The following AAK1 variants were observed in gnomAD, a reference collection of about 807,000 sequenced individuals.
AAK1 encodes the protein AP2-associated protein kinase 1.
AAK1 carries 37 observed loss-of-function variants against 116.0 expected under a neutral mutation model. The observed-to-expected ratio is 0.32, with a 90% CI of 0.25 to 0.42. AAK1 has a LOEUF of 0.42. AAK1 is among the 10% of genes least tolerant of loss of function. The pLI is 1.00. For synonymous variants in AAK1, 458 were observed against 439.9 expected (o/e 1.04, Z -0.51); for missense variants, 919 against 1,170.6 (o/e 0.79, Z 3.14).
intron 2 of AAK1, among the ~76,000 whole-genome samples, chr2:69,588,118 C>A (rs955949828): frequency 3.3e-5 from 5 of 152,104 alleles, no homozygotes; most frequent in African/African-American, 1.2e-4. Context: ...GGGTTCAAAT[C>A]CCACAGCCAA....
chr2:69,531,654 T>C (rs1670261653), intron 6 of AAK1: 1 of 996,204 alleles, frequency 1.0e-6, no homozygotes, highest in African/African-American at 1.7e-5. Context: ...CAATTTAGGG[T>C]TCAGTAAAAA....
At position 69,462,816 on chromosome 2, in the gene AAK1, G is replaced by A. The variant is rs545841321; in HGVS notation, c.*13053C>T. The stretch of plus-strand genomic sequence containing the variant: ...GTGCAAAGTTCCACGTGCATTAGCC[G>A]AAATTATTCATTCAACTAGAAAGAC... On this transcript the variant is annotated 3_prime_UTR_variant, in exon 22 of 22. Coordinates refer to ENST00000409085, the MANE Select transcript of AAK1 (RefSeq NM_014911.5). 3 of 152,244 alleles carry A rather than the reference G, an allele frequency of 2.0e-5. No homozygotes were observed. The highest frequency in any genetic ancestry group is 3.9e-4 in the East Asian group (2 of 5,188). The allele number at this position is 152,244 out of a possible 1,614,324, so 9.4% of individuals were successfully genotyped here. A position where few individuals can be genotyped will look rare whatever the true frequency, so the allele number is the denominator to read the frequency against.
chr2:69,513,325 CT>C (rs374957512), intron 13 of AAK1, among the ~76,000 whole-genome samples: 136 of 145,542 alleles, frequency 9.3e-4, no homozygotes, highest in East Asian at 1.2e-3. Context: ...AAGATGGTTT[CT>C]TTTTTTTTTT....
intron 16 of AAK1, among the ~76,000 whole-genome samples, chr2:69,500,784 AAAAC>A (rs889961429): frequency 1.3e-5 from 2 of 150,148 alleles, no homozygotes; most frequent in African/African-American, 4.9e-5. Context: ...GGCAGAAACA[AAAAC>A]AAAATAAACC....
At chr2:69,598,349 C>A in intron 2 of AAK1, 1 of 333,140 alleles carries the variant, frequency 3.0e-6, no homozygotes. Flanking sequence ...GTGTTCCCTC[C>A]ATACTGCAGT....
chr2:69,641,572 T>C (rs111259817), intron 2 of AAK1, among the ~76,000 whole-genome samples: 6 of 152,144 alleles, frequency 3.9e-5, no homozygotes, highest in African/African-American at 1.4e-4. Context: ...AATCATGTTT[T>C]TAAAGTACAG....
chr2:69,571,901 A>C (rs1202060231), intron 2 of AAK1, among the ~76,000 whole-genome samples: 1 of 152,150 alleles, frequency 6.6e-6, no homozygotes, highest in East Asian at 1.9e-4. Flanking sequence ...ATTACCTGGG[A>C]ATGTTGTGAA....
Position 69,471,226 on chromosome 2 carries a change from CT to C in AAK1, c.*4642del, listed in dbSNP as rs1674666365. On this transcript the variant is annotated 3_prime_UTR_variant, in exon 22 of 22. Coordinates refer to ENST00000409085, the MANE Select transcript of AAK1 (RefSeq NM_014911.5). The stretch of plus-strand genomic sequence containing the variant: ...AAGAACGTGTCTTTAATTCTAGCAA[CT>C]ACCACCATTTGGTAACTTCTTTGCA... 1 of 985,336 alleles carries C rather than the reference CT, an allele frequency of 1.0e-6. No homozygotes were observed. Among genetic ancestry groups the C allele is most frequent in the Admixed American group, 6.1e-5 (1 of 16,266 alleles). The allele number at this position is 985,336 out of a possible 1,614,324, so 61.0% of individuals were successfully genotyped here. A position where few individuals can be genotyped will look rare whatever the true frequency, so the allele number is the denominator to read the frequency against.
At chr2:69,490,816 T>C (rs1258929890) in intron 17 of AAK1, among the ~76,000 whole-genome samples, 1 of 152,086 alleles carries the variant, frequency 6.6e-6, no homozygotes, top group African/African-American at 2.4e-5. Context: ...ATGGTAAATC[T>C]CATTATGTAC....
At chr2:69,495,204 C>G (rs1303796236) in intron 17 of AAK1, among the ~76,000 whole-genome samples, 2 of 152,144 alleles carry the variant, frequency 1.3e-5, no homozygotes, top group African/African-American at 4.8e-5. Flanking sequence ...TTCCCCACAC[C>G]ACTCCTCCCA....
chr2:69,572,381 G>A (rs1672122167), intron 2 of AAK1, among the ~76,000 whole-genome samples: 1 of 152,046 alleles, frequency 6.6e-6, no homozygotes, highest in Admixed American at 6.5e-5. Flanking sequence ...TGTAATCCCA[G>A]CCGAGGTGGG....
rs561392538 is a variant in AAK1 at position 69,635,327 on chromosome 2, C to T, written c.163+7551G>A. 2.0e-5 allele frequency among the ~76,000 whole-genome samples: 3 copies of T among 152,302 alleles called. No individual in the cohort carries two copies. The South Asian group carries it at 6.2e-4, about 32-fold the overall frequency. On this transcript the variant is annotated intron_variant, in intron 2 of 21. Coordinates refer to ENST00000409085, the MANE Select transcript of AAK1 (RefSeq NM_014911.5). Reference sequence around the variant, plus strand: ...GGTGAGAATGAGGAATAACTGGAACCTTTGTGCACTGTTGATGGGAATGAA... The same window carrying T: ...GGTGAGAATGAGGAATAACTGGAACTTTTGTGCACTGTTGATGGGAATGAA...
intron 2 of AAK1, among the ~76,000 whole-genome samples, chr2:69,566,158 G>C (rs1336734432): frequency 6.6e-6 from 1 of 152,196 alleles, no homozygotes; most frequent in Non-Finnish European, 1.5e-5. Flanking sequence ...CCCCCAAGAG[G>C]CTGATCAACA....
At chr2:69,553,546 C>T (rs1280447481) in intron 3 of AAK1, among the ~76,000 whole-genome samples, 1 of 141,536 alleles carries the variant, frequency 7.1e-6, no homozygotes, top group Non-Finnish European at 1.5e-5. Flanking sequence ...TGGGTTCAAG[C>T]GATTCTCCTG....
chr2:69,473,104 C>A lies in AAK1; in HGVS notation c.*2765G>T. Reference sequence around the variant, plus strand: ...TAAAGACCATCTAGTCCAAACCCATCGTATAACTCTAAGGAACAGCAACTC... The same window carrying A: ...TAAAGACCATCTAGTCCAAACCCATAGTATAACTCTAAGGAACAGCAACTC... On this transcript the variant is annotated 3_prime_UTR_variant, in exon 22 of 22. Coordinates refer to ENST00000409085, the MANE Select transcript of AAK1 (RefSeq NM_014911.5). The A allele has an allele frequency of 1.1e-6, 1 of 898,244 alleles. No individual in the cohort carries two copies. Among genetic ancestry groups the A allele is most frequent in the Non-Finnish European group, 1.3e-6 (1 of 750,340 alleles). 55.6% of individuals were successfully genotyped at this position (898,244 alleles called of 1,614,324 possible).
Position 69,533,352 on chromosome 2 carries a change from G to A in AAK1, c.535-1190C>T, listed in dbSNP as rs74746860. ...TGTGTGCAAACCTGGTGTGTCAGGC[G>A]CAAGATAGGAGCCACCAAATATCCA... is the stretch of plus-strand genomic sequence containing the variant. On this transcript the variant is annotated intron_variant, in intron 5 of 21. Transcript: ENST00000409085. Among the ~76,000 whole-genome samples the A allele has an allele frequency of 6.7e-3, 1,027 of 152,212 alleles. 22 individuals carry two copies. The highest frequency in any genetic ancestry group is 0.012 in the East Asian group (64 of 5,188).
intron 2 of AAK1, among the ~76,000 whole-genome samples, chr2:69,626,454 G>T (rs1043999469): frequency 2.0e-5 from 3 of 151,226 alleles, no homozygotes; most frequent in Non-Finnish European, 2.9e-5. Flanking sequence ...TTAACACTCT[G>T]AAGTGTCCAT....
In AAK1 at chr2:69,500,954, C is replaced by A. The variant is rs150684027; in HGVS notation, c.2269+4615G>T. Among the ~76,000 whole-genome samples, 106 of 151,994 alleles carry A rather than the reference C, an allele frequency of 7.0e-4. 1 individual carries two copies. The South Asian group carries it at 7.1e-3, about 10-fold the overall frequency. ...GAATCCAAGGTCCTAAGCTTTGGCACAAAGCAACTCTTCTTATTCATTCAA... is the reference window on the plus strand; with the variant it reads ...GAATCCAAGGTCCTAAGCTTTGGCAAAAAGCAACTCTTCTTATTCATTCAA... On this transcript the variant is annotated intron_variant, in intron 16 of 21. Transcript: ENST00000409085.
chr2:69,555,686 C>T (rs1356260708), intron 3 of AAK1, among the ~76,000 whole-genome samples: 4 of 152,118 alleles, frequency 2.6e-5, no homozygotes, highest in African/African-American at 9.7e-5. Flanking sequence ...TTGGAGCATA[C>T]AATTTCTGAT....
Sources: allele counts gnomAD v4.1 joint callset (sites outside exome capture counted in the v4.1 genomes callset), GRCh38; gene constraint gnomAD v4.1.1; transcripts MANE v1.5; gene names NCBI Gene and HGNC (gene_info 2026-07-23, HGNC 2026-07-21).